The following SFSWAP variants were observed in gnomAD, a reference collection of about 807,000 sequenced individuals.
The protein encoded by SFSWAP is splicing factor SWAP, also known as splicing factor, suppressor of white-apricot homolog.
In SFSWAP, 17 loss-of-function variants were observed where a neutral mutation model predicts 100.7. The observed-to-expected ratio is 0.17, with a 90% CI of 0.12 to 0.25. The LOEUF (loss-of-function observed/expected upper bound fraction) is 0.25. Among genes scored for constraint, SFSWAP ranks in the 10% least tolerant of loss-of-function variants. The pLI is 1.00. For synonymous variants in SFSWAP, 504 were observed against 510.1 expected (o/e 0.99, Z 0.16); for missense variants, 1,005 against 1,262.6 (o/e 0.80, Z 3.09).
At chr12:131,783,365 T>A (rs1593185706) in intron 14 of SFSWAP, 1 of 152,348 alleles carries the variant, frequency 6.6e-6, no homozygotes, top group East Asian at 1.9e-4. Flanking sequence ...AAACTTTTGC[T>A]AAGATAGTCT....
intron 4 of SFSWAP, among the ~76,000 whole-genome samples, chr12:131,720,534 T>G (rs1206127291): frequency 6.6e-6 from 1 of 152,200 alleles, no homozygotes; most frequent in African/African-American, 2.4e-5. Context: ...CGTAACTGGA[T>G]TGCAAGTGGC....
intron 7 of SFSWAP, among the ~76,000 whole-genome samples, chr12:131,741,366 T>C (rs1015974983): frequency 6.6e-6 from 1 of 152,182 alleles, no homozygotes; most frequent in African/African-American, 2.4e-5. Context: ...CCAGCCATGG[T>C]GGCTCACACC....
At chr12:131,798,167 G>T (rs1885812500) in intron 16 of SFSWAP, among the ~76,000 whole-genome samples, 1 of 152,068 alleles carries the variant, frequency 6.6e-6, no homozygotes, top group African/African-American at 2.4e-5. Context: ...ACTAAAAATA[G>T]GTGGCACGCG....
At chr12:131,772,767 A>T (rs990908220) in intron 13 of SFSWAP, among the ~76,000 whole-genome samples, 8 of 152,228 alleles carry the variant, frequency 5.3e-5, no homozygotes, top group African/African-American at 1.7e-4. Flanking sequence ...TCAGGGTGAC[A>T]GCCTTTACAC....
intron 14 of SFSWAP, 89 bp from the exon 15 acceptor site, chr12:131,786,374 G>A (rs1033644255): frequency 1.3e-5 from 19 of 1,454,294 alleles, no homozygotes; most frequent in Middle Eastern, 2.5e-4. Flanking sequence ...CTCTGCAGAC[G>A]GGGCCTGATC....
At chr12:131,723,844 G>A (rs1878710456) in intron 4 of SFSWAP, among the ~76,000 whole-genome samples, 1 of 152,236 alleles carries the variant, frequency 6.6e-6, no homozygotes, top group African/African-American at 2.4e-5. Context: ...CCGGGGCTCT[G>A]TCGGCTTCCT....
intron 7 of SFSWAP, among the ~76,000 whole-genome samples, chr12:131,728,869 T>C (rs1224595472): frequency 6.6e-6 from 1 of 152,048 alleles, no homozygotes; most frequent in Non-Finnish European, 1.5e-5. Context: ...CTAATTTTGA[T>C]TTTTTGATAG....
chr12:131,742,155 A>G (rs1880702937), intron 7 of SFSWAP, among the ~76,000 whole-genome samples: 1 of 152,088 alleles, frequency 6.6e-6, no homozygotes, highest in Non-Finnish European at 1.5e-5. Context: ...ATCACAGCAT[A>G]TGTGTCAGGC....
rs755318347 is a variant in SFSWAP at position 131,719,550 on chromosome 12, T to C, written c.606+11T>C. The C allele has an allele frequency of 8.2e-6, 13 of 1,590,360 alleles. No homozygotes were observed. In the South Asian group the frequency reaches 1.4e-4, roughly 18 times the overall value. ...TCTGACGTGGAGTTGGTATGTGTCC[T>C]GCATGAGCACTAGTTGTCGTCATTA... is the stretch of plus-strand genomic sequence containing the variant. On this transcript the variant is annotated intron_variant, in intron 4 of 17. Coordinates refer to ENST00000261674, the MANE Select transcript of SFSWAP (RefSeq NM_004592.4).
intron 7 of SFSWAP, among the ~76,000 whole-genome samples, chr12:131,729,670 C>A (rs887430689): frequency 6.6e-6 from 1 of 152,194 alleles, no homozygotes; most frequent in Non-Finnish European, 1.5e-5. Flanking sequence ...GTTCCAGCGT[C>A]AGGTCTTTCT....
rs368601398 is a variant in SFSWAP at position 131,778,632 on chromosome 12, C to A, written c.2408+302C>A. ...TCCCAGGTTCAAGTGATTCTCCTGC[C>A]TCAGCCTCCTGAGTAGCTGGGATTA... On this transcript the variant is annotated intron_variant, in intron 14 of 17. Transcript: ENST00000261674. This position sits in a 1 kb window ranked among gnomAD's most constrained non-coding sequence, Gnocchi z 4.2. 6.6e-6 allele frequency among the ~76,000 whole-genome samples: 1 copy of A among 152,158 alleles called. No individual in the cohort carries two copies. Among genetic ancestry groups the A allele is most frequent in the African/African-American group, 2.4e-5 (1 of 41,440 alleles).
At chr12:131,791,896 CTGTT>C (rs1885254164) in intron 15 of SFSWAP, among the ~76,000 whole-genome samples, 1 of 152,276 alleles carries the variant, frequency 6.6e-6, no homozygotes, top group African/African-American at 2.4e-5. Context: ...GCACCCTTGT[CTGTT>C]CACAGATCAG....
intron 8 of SFSWAP, 191 bp downstream of exon 8, chr12:131,753,554 T>G (rs1276376947): frequency 4.0e-5 from 30 of 752,892 alleles, no homozygotes; most frequent in Non-Finnish European, 6.0e-5. Flanking sequence ...AGCACAAACT[T>G]TTTAGCATTG....
At chr12:131,784,426 G>A (rs909208941) in intron 14 of SFSWAP, 1 of 152,150 alleles carries the variant, frequency 6.6e-6, no homozygotes, top group African/African-American at 2.4e-5. Context: ...TTGGAGAAAA[G>A]AGGCTATTTA....
chr12:131,788,392 T>C (rs1449822733), intron 15 of SFSWAP, among the ~76,000 whole-genome samples: 2 of 152,060 alleles, frequency 1.3e-5, no homozygotes, highest in African/African-American at 4.8e-5. Flanking sequence ...GTCTGCGGAG[T>C]GTTAAACTGT....
intron 14 of SFSWAP, chr12:131,783,807 T>TATATATATATATATATATATATAA (rs1884685307): frequency 2.3e-5 from 3 of 132,506 alleles, no homozygotes; most frequent in African/African-American, 7.8e-5. Flanking sequence ...TATATATATA[T>TATATATATATATATATATATATAA]ATATATATAT....
intron 13 of SFSWAP, among the ~76,000 whole-genome samples, chr12:131,773,438 G>A (rs1315341481): frequency 6.6e-6 from 1 of 151,874 alleles, no homozygotes; most frequent in East Asian, 1.9e-4. Flanking sequence ...CTCCCGGCCT[G>A]AAGCACTCCT....
Position 131,725,077 on chromosome 12 carries a change from C to T in SFSWAP, c.607-328C>T, listed in dbSNP as rs1205473270. Among the ~76,000 whole-genome samples the T allele has an allele frequency of 6.6e-6, 1 of 152,216 alleles. No homozygotes were observed. The highest frequency in any genetic ancestry group is 2.4e-5 in the African/African-American group (1 of 41,450). On this transcript the variant is annotated intron_variant, in intron 4 of 17. Coordinates refer to ENST00000261674, the MANE Select transcript of SFSWAP (RefSeq NM_004592.4). The surrounding 1 kb of genome is among the most constrained non-coding windows in gnomAD (Gnocchi z 4.3). The stretch of plus-strand genomic sequence containing the variant: ...AGTGCTTGTTTGTAAAATTCACATG[C>T]ACAGAGGATTCACAAACCCCCTGAA...
chr12:131,723,992 T>C (rs1403449124), intron 4 of SFSWAP, among the ~76,000 whole-genome samples: 1 of 152,250 alleles, frequency 6.6e-6, no homozygotes, highest in Non-Finnish European at 1.5e-5. Context: ...ATGATATTCT[T>C]AAATGGAAAA....
Sources: allele counts gnomAD v4.1 joint callset (sites outside exome capture counted in the v4.1 genomes callset), GRCh38; gene constraint gnomAD v4.1.1; non-coding constraint Gnocchi (gnomAD v3.1); transcripts MANE v1.5; gene names NCBI Gene and HGNC (gene_info 2026-07-23, HGNC 2026-07-21).